ADGRL1: variants seen among roughly 807,000 people sequenced by gnomAD.
ADGRL1 encodes the protein CIRL-1.
In ADGRL1, 31 loss-of-function variants were observed where a neutral mutation model predicts 148.9. That is an observed-to-expected ratio of 0.21 (90% CI 0.16 to 0.28). The LOEUF is 0.28. ADGRL1 is among the 10% of genes least tolerant of loss of function. ADGRL1 has a pLI of 1.00. For missense variants in ADGRL1, 1,521 were observed against 2,058.8 expected (o/e 0.74, Z 5.05); for synonymous variants, 937 against 900.3 (o/e 1.04, Z -0.73).
chr19:14,178,006 G>C (rs1007641760), intron 2 of ADGRL1, among the ~76,000 whole-genome samples: 1 of 152,182 alleles, frequency 6.6e-6, no homozygotes, highest in Non-Finnish European at 1.5e-5. Context: ...CTTGATAAGA[G>C]TGACTGTTTT....
Position 14,161,978 on chromosome 19 carries a change from G to A in ADGRL1, c.1196-352C>T, listed in dbSNP as rs113658253. Among the ~76,000 whole-genome samples, 1,313 of 152,192 alleles carry A rather than the reference G, an allele frequency of 8.6e-3. 20 individuals are homozygous for A. The highest frequency in any genetic ancestry group is 0.03 in the African/African-American group (1,259 of 41,520). On this transcript the variant is annotated intron_variant, in intron 5 of 22. Coordinates refer to ENST00000361434, the MANE Select transcript of ADGRL1 (RefSeq NM_014921.5). The surrounding 1 kb of genome is among the most constrained non-coding windows in gnomAD (Gnocchi z 4.4). ...GCCCTCCCCAATCCAGGTCAGCCCC[G>A]CCACCAGGTGGGGGCTGAATACCAC...
Position 14,151,355 on chromosome 19 carries a change from CTGGCACAGG to C in ADGRL1, c.3919_3927del (p.Pro1307_Pro1309del), listed in dbSNP as rs778188473. Reference sequence around the variant, plus strand: ...CCCGCCTCTTCCTCGCCCCCGCCCCCTGGCACAGGTGGCACAGGGGGCTCAGGCGGTGGA... The same window carrying C: ...CCCGCCTCTTCCTCGCCCCCGCCCCCTGGCACAGGGGGCTCAGGCGGTGGA... On this transcript the variant is annotated inframe_deletion, in exon 23 of 23. Transcript: ENST00000361434. 30 of 1,601,144 alleles carry C rather than the reference CTGGCACAGG, an allele frequency of 1.9e-5. No individual in the cohort carries two copies. The highest frequency in any genetic ancestry group is 1.0e-4 in the South Asian group (9 of 89,946).
At chr19:14,194,852 C>T (rs1355505120) in intron 1 of ADGRL1, among the ~76,000 whole-genome samples, 4 of 151,526 alleles carry the variant, frequency 2.6e-5, no homozygotes, top group African/African-American at 9.7e-5. Context: ...CCTTATTTGT[C>T]TTTCTTTTTT....
rs1006367294 is a variant in ADGRL1 at position 14,150,538 on chromosome 19, G to C, written c.*335C>G. 1 of 306,086 alleles carries C rather than the reference G, an allele frequency of 3.3e-6. No individual in the cohort carries two copies. The highest frequency in any genetic ancestry group is 4.5e-5 in the Admixed American group (1 of 22,028). 19.0% of individuals were successfully genotyped at this position (306,086 alleles called of 1,614,324 possible). On this transcript the variant is annotated 3_prime_UTR_variant, in exon 23 of 23. Coordinates refer to ENST00000361434, the MANE Select transcript of ADGRL1 (RefSeq NM_014921.5). ...CTAAAGCCCTCATTTCCCTTCACAGGGTAGAAGGGTGGGAGAGGGGAGAGT... is the reference window on the plus strand; with the variant it reads ...CTAAAGCCCTCATTTCCCTTCACAGCGTAGAAGGGTGGGAGAGGGGAGAGT...
chr19:14,200,355 T>G (rs1347154575), intron 1 of ADGRL1, among the ~76,000 whole-genome samples: 1 of 152,150 alleles, frequency 6.6e-6, no homozygotes, highest in Non-Finnish European at 1.5e-5. Flanking sequence ...GCTCCCCAAA[T>G]GGGGCCGCCC....
Position 14,159,585 on chromosome 19 carries a change from C to T in ADGRL1, c.1840-1G>A. ...GATTGTCCACTGTCTCCACCACGGC[C>T]TGCACAGGCAGAGGGCATGGTGCTG... On this transcript the variant is annotated splice_acceptor_variant, in intron 9 of 22. Transcript: ENST00000361434. LOFTEE classifies it high-confidence loss of function. The surrounding 1 kb of genome is among the most constrained non-coding windows in gnomAD (Gnocchi z 6.0). The T allele has an allele frequency of 6.3e-7, 1 of 1,595,594 alleles. No homozygotes were observed. Among genetic ancestry groups the T allele is most frequent in the Non-Finnish European group, 8.6e-7 (1 of 1,166,894 alleles).
intron 1 of ADGRL1, chr19:14,191,634 T>C (rs1971945951): frequency 5.3e-6 from 2 of 379,334 alleles, no homozygotes; most frequent in Non-Finnish European, 1.1e-5. Context: ...CTTCTCACTA[T>C]ATCCTCACAG....
intron 2 of ADGRL1, among the ~76,000 whole-genome samples, chr19:14,183,193 C>CAGAGAGAGAGAGAGAGAGAGAGAGAG (rs3837937): frequency 2.1e-4 from 31 of 145,404 alleles, no homozygotes; most frequent in Non-Finnish European, 2.6e-4. Context: ...GATGTAATCA[C>CAGAGAGAGAGAGAGAGAGAGAGAGAG]AGAGAGAGAG....
In ADGRL1 at chr19:14,152,654, C is replaced by G. The variant is rs1568565271; in HGVS notation, c.3424-41G>C. 1.2e-6 allele frequency: 2 copies of G among 1,604,862 alleles called. No individual in the cohort carries two copies. Among genetic ancestry groups the G allele is most frequent in the African/African-American group, 2.7e-5 (2 of 74,682 alleles). Reference sequence around the variant, plus strand: ...AAATGTGAGGGGATCCTTGGGCCACCCACCCTCTGGCGTCTTTCTGAGACT... The same window carrying G: ...AAATGTGAGGGGATCCTTGGGCCACGCACCCTCTGGCGTCTTTCTGAGACT... On this transcript the variant is annotated intron_variant, in intron 19 of 22. Coordinates refer to ENST00000361434, the MANE Select transcript of ADGRL1 (RefSeq NM_014921.5). The surrounding 1 kb of genome is among the most constrained non-coding windows in gnomAD (Gnocchi z 6.1).
At chr19:14,166,842 G>C (rs1478931331) in intron 4 of ADGRL1, among the ~76,000 whole-genome samples, 2 of 151,972 alleles carry the variant, frequency 1.3e-5, no homozygotes, top group Non-Finnish European at 2.9e-5. Context: ...GGAGATGCCC[G>C]TGGCCGCACC....
At chr19:14,167,086 GAAAAAAAGAGAA>G (rs1970046739) in intron 4 of ADGRL1, 5 of 1,378,342 alleles carry the variant, frequency 3.6e-6, no homozygotes, top group Non-Finnish European at 5.1e-6. Flanking sequence ...AAATGTGCAA[GAAAAAAAGAGAA>G]AAAAAAAGAG....
At chr19:14,199,285 T>A (rs1347898699) in intron 1 of ADGRL1, among the ~76,000 whole-genome samples, 2 of 152,146 alleles carry the variant, frequency 1.3e-5, no homozygotes, top group Non-Finnish European at 2.9e-5. Context: ...ATTCCACACA[T>A]CTTTTTTGGA....
At position 14,159,984 on chromosome 19, in the gene ADGRL1, G is replaced by T. The variant is rs968924005; in HGVS notation, c.1800+128C>A. ...CGGCAGTCCTTGGCGGAGAGGGGGG[G>T]GTCCTTCCTCTCTGAGGAAAGGAGT... On this transcript the variant is annotated intron_variant, in intron 8 of 22. Coordinates refer to ENST00000361434, the MANE Select transcript of ADGRL1 (RefSeq NM_014921.5). The surrounding 1 kb of genome is among the most constrained non-coding windows in gnomAD (Gnocchi z 6.0). The T allele has an allele frequency of 2.8e-6, 3 of 1,078,372 alleles. No individual in the cohort carries two copies. The highest frequency in any genetic ancestry group is 2.8e-4 in the Middle Eastern group (1 of 3,536). The allele number at this position is 1,078,372 out of a possible 1,614,324, so 66.8% of individuals were successfully genotyped here.
At chr19:14,177,435 A>G in intron 3 of ADGRL1, 96 bp downstream of exon 3, 1 of 1,169,130 alleles carries the variant, frequency 8.6e-7, no homozygotes, top group Admixed American at 1.7e-5. Context: ...TGTTGAATGC[A>G]TAAAAAAAAG....
intron 1 of ADGRL1, among the ~76,000 whole-genome samples, chr19:14,200,469 A>T (rs1333437708): frequency 6.6e-6 from 1 of 152,218 alleles, no homozygotes; most frequent in East Asian, 1.9e-4. Flanking sequence ...TGGTGAGCTA[A>T]GAATGGTGTT....
At position 14,163,299 on chromosome 19, in the gene ADGRL1, G is replaced by C. The variant is rs566500828; in HGVS notation, c.502C>G (p.Arg168Gly). 3.7e-6 allele frequency: 6 copies of C among 1,613,368 alleles called. No homozygotes were observed. In the Admixed American group the frequency reaches 5.0e-5, roughly 13 times the overall value. Residue 168 changes from arginine to glycine, a missense_variant, in exon 5 of 23, where the codon CGC becomes GGC. By Grantham distance (125) the Arg-to-Gly change is moderately radical. Around this residue, in one of 8 missense-constraint regions of ADGRL1, gnomAD observed 334 missense variants for 512.5 expected, o/e 0.65. Coordinates refer to ENST00000361434, the MANE Select transcript of ADGRL1 (RefSeq NM_014921.5). ...GGGATCCAGGGCATCACGTAGATGC[G>C]GTCACCCGCCTGCAGCGGGTCCTTG... ...WCKDPLQAGDRIYVMPWIPYR... is the reference protein window; with the variant it reads ...WCKDPLQAGDGIYVMPWIPYR...
chr19:14,187,143 C>T (rs913455897), intron 1 of ADGRL1, among the ~76,000 whole-genome samples: 1 of 152,156 alleles, frequency 6.6e-6, no homozygotes. Flanking sequence ...TCGAGACCAG[C>T]CTGGCCAACA....
chr19:14,167,052 A>G, intron 4 of ADGRL1: 1 of 1,598,932 alleles, frequency 6.3e-7, no homozygotes, highest in Non-Finnish European at 8.6e-7. Context: ...ATCGGAAGAG[A>G]GAGAGAAAAC....
chr19:14,194,910 G>A (rs1394107831), intron 1 of ADGRL1, among the ~76,000 whole-genome samples: 1 of 149,908 alleles, frequency 6.7e-6, no homozygotes, highest in African/African-American at 2.5e-5. Flanking sequence ...GAGACAGCAG[G>A]ATCTTGCTGT....
Sources: gnomAD v4.1 joint callset for allele counts (sites outside exome capture counted in the v4.1 genomes callset) on GRCh38, gnomAD v4.1.1 for gene constraint, gnomAD v4.1.1 regional missense constraint, Gnocchi (gnomAD v3.1) non-coding constraint, MANE v1.5 for transcripts, NCBI Gene and HGNC (gene_info 2026-07-23, HGNC 2026-07-21) for gene names.